DCUN1D2: variants seen among roughly 807,000 people sequenced by gnomAD.
DCUN1D2 encodes DCN1-like protein 2.
In DCUN1D2, 29 loss-of-function variants were observed where a neutral mutation model predicts 30.9. The ratio of observed to expected loss-of-function variants is 0.94; its 90% CI spans 0.70 to 1.28. The LOEUF is 1.28. DCUN1D2 is among the 50% of genes most tolerant of loss of function. DCUN1D2 has a pLI of 0.00. For synonymous variants in DCUN1D2, 121 were observed against 115.3 expected (o/e 1.05, Z -0.32); for missense variants, 325 against 316.9 (o/e 1.03, Z -0.19).
rs1038178838 is a variant in DCUN1D2, at chr13:113,490,503, T to C, written c.3+164A>G. 3.4e-5 allele frequency: 26 copies of C among 759,932 alleles called. No homozygotes were observed. Among genetic ancestry groups the C allele is most frequent in the Non-Finnish European group, 4.6e-5 (26 of 560,384 alleles). 47.1% of individuals were successfully genotyped at this position (759,932 alleles called of 1,614,324 possible). A position where few individuals can be genotyped will look rare whatever the true frequency, so the allele number is the denominator to read the frequency against. On this transcript the variant is annotated intron_variant, in intron 1 of 6. Coordinates refer to ENST00000478244, the MANE Select transcript of DCUN1D2 (RefSeq NM_001014283.2). This position sits in a 1 kb window ranked among gnomAD's most constrained non-coding sequence, Gnocchi z 5.2. Reference sequence around the variant, plus strand: ...GGTCCCGCGCCTCCGACGCCACCGCTCCGGCTCGCGGGCCCGCGGCGCGTT... The same window carrying C: ...GGTCCCGCGCCTCCGACGCCACCGCCCCGGCTCGCGGGCCCGCGGCGCGTT...
chr13:113,461,255 G>A, intron 4 of DCUN1D2, 119 bp from the exon 5 acceptor site: 2 of 646,792 alleles, frequency 3.1e-6, no homozygotes, highest in East Asian at 5.6e-5. Flanking sequence ...TCTCACCCAA[G>A]AGTCATGAGG....
Position 113,483,842 on chromosome 13 carries a change from T to C in DCUN1D2, c.218A>G (p.Lys73Arg), listed in dbSNP as rs1222457387. The C allele has an allele frequency of 6.2e-7, 1 of 1,612,170 alleles. No individual in the cohort carries two copies. Residue 73 changes from lysine (K) to arginine (R), a missense_variant and splice_region_variant, in exon 2 of 7, where the codon AAA (lysine) becomes AGA (arginine). Transcript: ENST00000478244. ...GCTTTGCTGCAGTCTCCTCTTACCT[T>C]TGTACCTGCCGTACAGCCGCTCCAG... ...KKLERLYGRY[K>R]DPQDENKIGV...
In DCUN1D2 at chr13:113,477,772, CT is replaced by C. The variant is rs577614046; in HGVS notation, c.389+2802del. The stretch of plus-strand genomic sequence containing the variant: ...ACCCATCTTATGCACTGGGATGATC[CT>C]TTTTTTCCTGTTGTTAACCATGGTA... On this transcript the variant is annotated intron_variant, in intron 3 of 6. Transcript: ENST00000478244. 7.1e-4 allele frequency among the ~76,000 whole-genome samples: 107 copies of C among 150,572 alleles called. 3 individuals carry two copies. In the South Asian group the frequency reaches 0.022, roughly 31 times the overall value.
intron 3 of DCUN1D2, chr13:113,475,497 T>C (rs912359478): frequency 6.6e-6 from 1 of 152,230 alleles, no homozygotes; most frequent in Non-Finnish European, 1.5e-5. Context: ...CACAGTGAAA[T>C]TTCCTAACGA....
At chr13:113,480,895 C>T (rs1594121172) in intron 2 of DCUN1D2, 152 bp from the exon 3 acceptor site, 2 of 623,250 alleles carry the variant, frequency 3.2e-6, no homozygotes, top group East Asian at 6.5e-5. Context: ...TTCTACTACA[C>T]ATGAAAGAAA....
chr13:113,491,373 C>G (rs1462469488), upstream of DCUN1D2: 1 of 152,140 alleles, frequency 6.6e-6, no homozygotes, highest in Admixed American at 6.6e-5. Flanking sequence ...CCGGGGCTCA[C>G]CTTCCCTTCT....
chr13:113,485,852 C>T (rs1033147959), intron 1 of DCUN1D2, among the ~76,000 whole-genome samples: 2 of 152,148 alleles, frequency 1.3e-5, no homozygotes, highest in East Asian at 3.9e-4. Context: ...CAGCCTTGCT[C>T]ACTCTCATTC....
intron 4 of DCUN1D2, among the ~76,000 whole-genome samples, chr13:113,471,038 G>GGGACCCAACTCCACAGA (rs1566498060): frequency 8.7e-6 from 1 of 114,926 alleles, no homozygotes; most frequent in Non-Finnish European, 1.8e-5. Context: ...AACTCCACAG[G>GGGACCCAACTCCACAGA]GGACCCAACT....
chr13:113,461,683 A>G (rs2139677349), intron 4 of DCUN1D2, among the ~76,000 whole-genome samples: 1 of 152,326 alleles, frequency 6.6e-6, no homozygotes, highest in Non-Finnish European at 1.5e-5. Flanking sequence ...TAGCAGGGAA[A>G]GCGTTCTCAC....
intron 4 of DCUN1D2, among the ~76,000 whole-genome samples, chr13:113,472,122 G>A (rs777024075): frequency 1.7e-4 from 25 of 151,152 alleles, no homozygotes; most frequent in Admixed American, 2.0e-4. Flanking sequence ...GGTGTGTGCC[G>A]TGTGGGATTG....
At position 113,456,055 on chromosome 13, in the gene DCUN1D2, C is replaced by T; in HGVS notation, c.*1974G>A. The stretch of plus-strand genomic sequence containing the variant: ...ATTCTATAAACTTTTCTGAACAAAA[C>T]AATTACATGTCAAGAATCCATGAAG... On this transcript the variant is annotated 3_prime_UTR_variant, in exon 7 of 7. Transcript: ENST00000478244. 1 of 397,142 alleles carries T rather than the reference C, an allele frequency of 2.5e-6. No individual in the cohort carries two copies. Among genetic ancestry groups the T allele is most frequent in the Non-Finnish European group, 4.4e-6 (1 of 225,674 alleles). 24.6% of individuals were successfully genotyped at this position (397,142 alleles called of 1,614,324 possible). A position where few individuals can be genotyped will look rare whatever the true frequency, so the allele number is the denominator to read the frequency against.
rs1197470371 is a variant in DCUN1D2, at chr13:113,456,833, T to A, written c.*1196A>T. ...AGGTCTGGATGCTGGGCACTACGGG[T>A]ACCACAAGAGGATGGAAAGAACCAG... On this transcript the variant is annotated 3_prime_UTR_variant, in exon 7 of 7. Coordinates refer to ENST00000478244, the MANE Select transcript of DCUN1D2 (RefSeq NM_001014283.2). 6.5e-6 allele frequency: 1 copy of A among 154,394 alleles called. No individual in the cohort carries two copies. Among genetic ancestry groups the A allele is most frequent in the Non-Finnish European group, 1.4e-5 (1 of 69,626 alleles). The allele number at this position is 154,394 out of a possible 1,614,324, so 9.6% of individuals were successfully genotyped here. A position where few individuals can be genotyped will look rare whatever the true frequency, so the allele number is the denominator to read the frequency against.
intron 5 of DCUN1D2, 25 bp from the exon 6 acceptor site, chr13:113,459,433 C>A (rs749222371): frequency 3.7e-6 from 4 of 1,073,840 alleles, no homozygotes; most frequent in South Asian, 2.6e-5. Context: ...AAAAAAAAAA[C>A]CCACCAGGTT....
chr13:113,481,664 ACC>A (rs1205094862), intron 2 of DCUN1D2, among the ~76,000 whole-genome samples: 34 of 152,088 alleles, frequency 2.2e-4, no homozygotes, highest in African/African-American at 8.2e-4. Context: ...CGGGTGGATC[ACC>A]TGAGCTCAGG....
intron 1 of DCUN1D2, 170 bp from the exon 2 acceptor site, chr13:113,484,226 G>T (rs377761851): frequency 9.4e-6 from 13 of 1,390,312 alleles, no homozygotes; most frequent in East Asian, 7.6e-5. Flanking sequence ...CATCTATACT[G>T]TAACAAACAG....
At chr13:113,459,632 AAAT>A (rs2044286472) in intron 5 of DCUN1D2, 1 of 373,944 alleles carries the variant, frequency 2.7e-6, no homozygotes, top group African/African-American at 2.1e-5. Context: ...AAAACATTTT[AAAT>A]ATTACAATTA....
At chr13:113,479,339 C>T (rs2139727714) in intron 3 of DCUN1D2, among the ~76,000 whole-genome samples, 1 of 152,250 alleles carries the variant, frequency 6.6e-6, no homozygotes, top group Non-Finnish European at 1.5e-5. Context: ...GTGTGACTGC[C>T]TTCTTGGTGA....
chr13:113,474,314 T>C, intron 3 of DCUN1D2, 60 bp from the exon 4 acceptor site: 1 of 1,590,538 alleles, frequency 6.3e-7, no homozygotes, highest in African/African-American at 1.3e-5. Context: ...CGACTCCCCT[T>C]GTGCCCTGTG....
In DCUN1D2 at chr13:113,484,535, T is replaced by C. The variant is rs186982665; in HGVS notation, c.4-479A>G. Among the ~76,000 whole-genome samples the C allele has an allele frequency of 2.4e-4, 36 of 152,240 alleles. No homozygotes were observed. The Middle Eastern group carries it at 0.02, about 86-fold the overall frequency. On this transcript the variant is annotated intron_variant, in intron 1 of 6. Transcript: ENST00000478244. ...TCACAGAATCACATTGATGAAAATGTACACAAATAACTAAGAATAGCGTTA... is the reference window on the plus strand; with the variant it reads ...TCACAGAATCACATTGATGAAAATGCACACAAATAACTAAGAATAGCGTTA...
Sources: gnomAD v4.1 joint callset for allele counts (sites outside exome capture counted in the v4.1 genomes callset) on GRCh38, gnomAD v4.1.1 for gene constraint, Gnocchi (gnomAD v3.1) non-coding constraint, MANE v1.5 for transcripts, NCBI Gene and HGNC (gene_info 2026-07-23, HGNC 2026-07-21) for gene names.